The following TTLL5 variants were observed in gnomAD, a reference collection of about 807,000 sequenced individuals.
The protein encoded by TTLL5 is tubulin tyrosine ligase like 5.
Under a neutral mutation model 168.4 loss-of-function variants are expected in TTLL5, and 132 were observed. The ratio of observed to expected loss-of-function variants is 0.78; its 90% CI spans 0.68 to 0.91. The LOEUF (loss-of-function observed/expected upper bound fraction) is 0.91, where lower values mean the gene tolerates loss of function less well. Ranked by LOEUF, TTLL5 falls within the 40% of genes least tolerant of loss-of-function variation. The probability of loss-of-function intolerance (pLI) is 0.00; values close to 1 mark genes in which losing one functional copy is unlikely to be tolerated. For missense variants in TTLL5, 1,545 were observed against 1,581.5 expected, an observed-to-expected ratio of 0.98 and a Z score of 0.39; for synonymous variants, 546 against 558.6, an observed-to-expected ratio of 0.98 and a Z score of 0.32.
chr14:75,799,607 G>A (rs1215763003), intron 27 of TTLL5, among the ~76,000 whole-genome samples: 1 of 152,154 alleles, frequency 6.6e-6, no homozygotes, highest in African/African-American at 2.4e-5. Flanking sequence ...GGTGTATTTC[G>A]AGGTTTTGTC....
At chr14:75,744,089 T>C (rs1228743539) in intron 15 of TTLL5, among the ~76,000 whole-genome samples, 1 of 152,172 alleles carries the variant, frequency 6.6e-6, no homozygotes, top group East Asian at 1.9e-4. Flanking sequence ...GTTACCACAA[T>C]GCCTTTGAAT....
Position 75,745,569 on chromosome 14 carries a change from G to A in TTLL5, c.1475G>A (p.Trp492Ter). ...FIRIFPTSET[W>*]EIYGSYLEHK... ...CGCATATTTCCTACATCTGAGACAT[G>A]GGAAATATATGGGTGAGGTGACTAC... is the stretch of plus-strand genomic sequence containing the variant. The change falls in exon 17 of 32, where the codon TGG becomes TAG. Residue 492 changes from tryptophan (W) to a stop codon, truncating the protein, a stop_gained. Transcript: ENST00000298832. LOFTEE classifies it high-confidence loss of function. 1 of 1,613,652 alleles carries A rather than the reference G, an allele frequency of 6.2e-7. No individual in the cohort carries two copies. The highest frequency in any genetic ancestry group is 8.5e-7 in the Non-Finnish European group (1 of 1,179,848).
At chr14:75,794,026 C>T (rs1019048827) in intron 27 of TTLL5, among the ~76,000 whole-genome samples, 4 of 152,120 alleles carry the variant, frequency 2.6e-5, no homozygotes, top group African/African-American at 4.8e-5. Flanking sequence ...CCTGGTGGTA[C>T]CCTACTTATC....
chr14:75,800,686 C>T (rs1201263178), intron 27 of TTLL5, among the ~76,000 whole-genome samples: 1 of 152,072 alleles, frequency 6.6e-6, no homozygotes, highest in African/African-American at 2.4e-5. Flanking sequence ...CTCTTCTTCC[C>T]CTAGTAGGGA....
intron 31 of TTLL5, chr14:75,906,601 G>A: frequency 1.0e-6 from 1 of 985,830 alleles, no homozygotes; most frequent in Non-Finnish European, 1.2e-6. Context: ...CCAAACCCTT[G>A]CCCACACAAT....
chr14:75,850,273 G>A (rs1362162775), intron 28 of TTLL5, among the ~76,000 whole-genome samples: 1 of 151,844 alleles, frequency 6.6e-6, no homozygotes, highest in Non-Finnish European at 1.5e-5. Context: ...GGGCATGGTG[G>A]CACATGCCTG....
At chr14:75,953,042 T>C (rs1276524280) in intron 31 of TTLL5, among the ~76,000 whole-genome samples, 2 of 152,186 alleles carry the variant, frequency 1.3e-5, no homozygotes, top group African/African-American at 2.4e-5. Flanking sequence ...AAAAAAGCTG[T>C]TTTTTAAAAA....
At chr14:75,796,974 T>A (rs1893030549) in intron 27 of TTLL5, among the ~76,000 whole-genome samples, 1 of 151,706 alleles carries the variant, frequency 6.6e-6, no homozygotes, top group African/African-American at 2.4e-5. Flanking sequence ...ATGATGATGG[T>A]ATTAAATTGC....
intron 27 of TTLL5, chr14:75,814,772 G>T (rs935418874): frequency 4.6e-5 from 7 of 152,194 alleles, no homozygotes; most frequent in African/African-American, 1.7e-4. Context: ...AGCCAGATCT[G>T]ATTGAGAGTC....
chr14:75,914,893 G>A (rs2033558400), intron 31 of TTLL5, among the ~76,000 whole-genome samples: 1 of 152,130 alleles, frequency 6.6e-6, no homozygotes. Context: ...AAAGTGCTGG[G>A]ATTACAGGCA....
intron 31 of TTLL5, among the ~76,000 whole-genome samples, chr14:75,910,972 T>C (rs2033355377): frequency 6.6e-6 from 1 of 152,192 alleles, no homozygotes; most frequent in African/African-American, 2.4e-5. Flanking sequence ...CTCTTAAAAC[T>C]TGAATGCAGG....
intron 27 of TTLL5, among the ~76,000 whole-genome samples, chr14:75,801,349 C>A (rs1351659050): frequency 1.3e-5 from 2 of 152,058 alleles, no homozygotes; most frequent in African/African-American, 4.8e-5. Flanking sequence ...CCCACGCAGC[C>A]AACAAGGCCA....
At chr14:75,887,118 A>C (rs1490653956) in intron 30 of TTLL5, 29 of 1,082,420 alleles carry the variant, frequency 2.7e-5, no homozygotes, top group Non-Finnish European at 3.1e-5. Flanking sequence ...GTCAGCACCC[A>C]GGACAGTGGT....
chr14:75,728,292 A>T (rs995734547), intron 12 of TTLL5, among the ~76,000 whole-genome samples: 3 of 149,834 alleles, frequency 2.0e-5, no homozygotes, highest in Non-Finnish European at 4.5e-5. Flanking sequence ...GGAGGTGGAG[A>T]TTGCAGCGAG....
chr14:75,739,213 C>T (rs1040650024), intron 15 of TTLL5, among the ~76,000 whole-genome samples: 1 of 152,026 alleles, frequency 6.6e-6, no homozygotes, highest in Non-Finnish European at 1.5e-5. Flanking sequence ...TGTTGGAGAG[C>T]AAGACCTCTC....
intron 20 of TTLL5, among the ~76,000 whole-genome samples, chr14:75,769,875 A>G (rs1281753810): frequency 6.6e-6 from 1 of 152,104 alleles, no homozygotes; most frequent in East Asian, 1.9e-4. Context: ...TCTTTGAGGA[A>G]CAGTTGAAAA....
intron 31 of TTLL5, among the ~76,000 whole-genome samples, chr14:75,932,239 G>T (rs1263218569): frequency 6.6e-6 from 1 of 152,126 alleles, no homozygotes; most frequent in Non-Finnish European, 1.5e-5. Flanking sequence ...ATATTCGGAG[G>T]CTATTCTACT....
At chr14:75,692,564 A>G (rs1350176669) in intron 6 of TTLL5, among the ~76,000 whole-genome samples, 2 of 152,216 alleles carry the variant, frequency 1.3e-5, no homozygotes, top group East Asian at 3.8e-4. Flanking sequence ...ACTATGTGAA[A>G]TGAGTCGGTG....
intron 28 of TTLL5, among the ~76,000 whole-genome samples, chr14:75,843,436 C>G (rs911532590): frequency 2.0e-5 from 3 of 152,230 alleles, no homozygotes; most frequent in African/African-American, 7.2e-5. Context: ...AATGAAGTTC[C>G]TGGTTCAGCT....
Sources: gnomAD v4.1 joint callset for allele counts (sites outside exome capture counted in the v4.1 genomes callset) on GRCh38, gnomAD v4.1.1 for gene constraint, MANE v1.5 for transcripts, NCBI Gene and HGNC (gene_info 2026-07-23, HGNC 2026-07-21) for gene names.